Variants in ROBO2 observed in about 807,000 individuals in gnomAD.
ROBO2 encodes roundabout guidance receptor 2.
Under a neutral mutation model 160.8 loss-of-function variants are expected in ROBO2, and 53 were observed. The ratio of observed to expected loss-of-function variants is 0.33; its 90% CI spans 0.26 to 0.41. The LOEUF is 0.41. Ranked by LOEUF, ROBO2 falls within the 10% of genes least tolerant of loss-of-function variation. The probability of loss-of-function intolerance (pLI) is 1.00; values close to 1 mark genes in which losing one functional copy is unlikely to be tolerated. For missense variants in ROBO2, 1,577 were observed against 1,722.4 expected, an observed-to-expected ratio of 0.92 and a Z score of 1.49; for synonymous variants, 664 against 611.7, an observed-to-expected ratio of 1.09 and a Z score of -1.26.
rs71277587 is a variant in ROBO2, at chr3:76,341,419, TAA to T, written c.109+403838_109+403839del. 5.2e-4 allele frequency among the ~76,000 whole-genome samples: 23 copies of T among 44,250 alleles called. 1 individual carries two copies. The highest frequency in any genetic ancestry group is 2.7e-3 in the South Asian group (4 of 1,500). The allele number at this position is 44,250 out of a possible 152,430, so 29.0% of individuals were successfully genotyped here. A position where few individuals can be genotyped will look rare whatever the true frequency, so the allele number is the denominator to read the frequency against. ...GAATGCTTTTCGCTTTTTTAAAGCG[TAA>T]AAAAAAAAAAAAAAAAAAAAGGAAA... On this transcript the variant is annotated intron_variant, in intron 2 of 26. Coordinates refer to the ROBO2 transcript ENST00000487694.
intron 2 of ROBO2, among the ~76,000 whole-genome samples, chr3:76,302,403 C>T (rs777516513): frequency 2.0e-5 from 3 of 151,968 alleles, no homozygotes; most frequent in South Asian, 2.1e-4. Flanking sequence ...ATATAGGACA[C>T]CATTCCTTGG....
intron 2 of ROBO2, among the ~76,000 whole-genome samples, chr3:76,125,333 A>T (rs2070928947): frequency 6.6e-6 from 1 of 152,056 alleles, no homozygotes; most frequent in Non-Finnish European, 1.5e-5. Context: ...ATTTTGGTAG[A>T]GTGATTTATT....
At chr3:76,237,262 G>A (rs1056560447) in intron 2 of ROBO2, among the ~76,000 whole-genome samples, 1 of 151,918 alleles carries the variant, frequency 6.6e-6, no homozygotes, top group Non-Finnish European at 1.5e-5. Flanking sequence ...TGTGAAAGAA[G>A]GTCTACATTA....
At chr3:76,977,830 C>T (rs2059888377) in intron 2 of ROBO2, among the ~76,000 whole-genome samples, 1 of 152,056 alleles carries the variant, frequency 6.6e-6, no homozygotes, top group African/African-American at 2.4e-5. Flanking sequence ...AAGATACTGT[C>T]TTGGTAAAGA....
chr3:77,582,708 AC>A (rs2093951316), intron 16 of ROBO2, among the ~76,000 whole-genome samples: 1 of 152,056 alleles, frequency 6.6e-6, no homozygotes, highest in African/African-American at 2.4e-5. Context: ...TTATTATTAT[AC>A]CTTTTACTTC....
At chr3:77,070,743 A>G (rs2067322806) in intron 1 of ROBO2, among the ~76,000 whole-genome samples, 2 of 152,130 alleles carry the variant, frequency 1.3e-5, no homozygotes, top group Admixed American at 6.5e-5. Context: ...TATAAAGAAA[A>G]TTTCTTGGCA....
intron 2 of ROBO2, among the ~76,000 whole-genome samples, chr3:76,196,619 A>C (rs915171638): frequency 6.6e-6 from 1 of 152,118 alleles, no homozygotes; most frequent in Non-Finnish European, 1.5e-5. Context: ...TAATTCGCTT[A>C]ATGTCTTATT....
intron 2 of ROBO2, among the ~76,000 whole-genome samples, chr3:76,396,157 G>A (rs1391596165): frequency 1.4e-4 from 22 of 152,208 alleles, no homozygotes. Flanking sequence ...GGGATGCAAG[G>A]CTGGTTCAAT....
chr3:77,639,433 G>A (rs531037248), intron 24 of ROBO2, among the ~76,000 whole-genome samples: 1 of 152,266 alleles, frequency 6.6e-6, no homozygotes, highest in Non-Finnish European at 1.5e-5. Flanking sequence ...AAGTATAGGT[G>A]TAGGGAGGAA....
chr3:75,910,529 T>C (rs1946529768), intron 1 of ROBO2, among the ~76,000 whole-genome samples: 1 of 152,190 alleles, frequency 6.6e-6, no homozygotes, highest in Non-Finnish European at 1.5e-5. Context: ...CTAGTGTATA[T>C]ACCTTTGTTC....
At chr3:77,334,282 A>C (rs1352727370) in intron 2 of ROBO2, among the ~76,000 whole-genome samples, 1 of 152,212 alleles carries the variant, frequency 6.6e-6, no homozygotes, top group Non-Finnish European at 1.5e-5. Context: ...TCAGTCGTGT[A>C]AATCTGCCTT....
chr3:76,404,550 C>T (rs1475299722), intron 2 of ROBO2, among the ~76,000 whole-genome samples: 1 of 151,106 alleles, frequency 6.6e-6, no homozygotes, highest in African/African-American at 2.4e-5. Context: ...GAGGCATAGT[C>T]GATCAGGTAG....
At chr3:76,770,909 G>C (rs558306356) in intron 2 of ROBO2, among the ~76,000 whole-genome samples, 17 of 151,328 alleles carry the variant, frequency 1.1e-4, no homozygotes, top group African/African-American at 4.1e-4. Context: ...TCCTTCAGCT[G>C]CTCTTCCAGA....
At chr3:76,586,543 T>A (rs560073134) in intron 2 of ROBO2, among the ~76,000 whole-genome samples, 9 of 152,360 alleles carry the variant, frequency 5.9e-5, no homozygotes, top group East Asian at 1.9e-4. Context: ...ATGAGTTTTT[T>A]AAAAATTAAT....
chr3:76,537,016 G>T (rs2082543518), intron 2 of ROBO2, among the ~76,000 whole-genome samples: 1 of 152,020 alleles, frequency 6.6e-6, no homozygotes, highest in South Asian at 2.1e-4. Context: ...GGTGATAGAA[G>T]AATTATAAGG....
intron 2 of ROBO2, among the ~76,000 whole-genome samples, chr3:77,410,699 T>TTCC (rs1213707755): frequency 2.4e-5 from 1 of 41,014 alleles, no homozygotes. Context: ...CCTCCTCCTC[T>TTCC]TCCTCCTCCT....
intron 2 of ROBO2, among the ~76,000 whole-genome samples, chr3:76,489,022 T>G (rs1018493712): frequency 7.2e-6 from 1 of 138,332 alleles, no homozygotes; most frequent in African/African-American, 2.7e-5. Context: ...GAGGTGGAGG[T>G]TGCAGTTAGC....
chr3:76,610,396 C>A (rs541388854), intron 2 of ROBO2, among the ~76,000 whole-genome samples: 3 of 152,288 alleles, frequency 2.0e-5, no homozygotes, highest in African/African-American at 7.2e-5. Flanking sequence ...GCTCCGTGCT[C>A]AGCCCACAGC....
intron 2 of ROBO2, among the ~76,000 whole-genome samples, chr3:77,154,281 T>TAC (rs1236101248): frequency 6.6e-6 from 1 of 152,046 alleles, no homozygotes; most frequent in Non-Finnish European, 1.5e-5. Flanking sequence ...CAATAATAAA[T>TAC]AGGTACAGAG....
Sources: allele counts gnomAD v4.1 joint callset (sites outside exome capture counted in the v4.1 genomes callset), GRCh38; gene constraint gnomAD v4.1.1; transcripts MANE v1.5; gene names NCBI Gene and HGNC (gene_info 2026-07-23, HGNC 2026-07-21).